The following UNC13C variants were observed in gnomAD, a reference collection of about 807,000 sequenced individuals.
The protein encoded by UNC13C is unc-13 homolog C, also known as protein unc-13 homolog C.
UNC13C carries 174 observed loss-of-function variants against 245.4 expected under a neutral mutation model. That is an observed-to-expected ratio of 0.71 (90% CI 0.63 to 0.80). The LOEUF (loss-of-function observed/expected upper bound fraction) is 0.80, where lower values mean the gene tolerates loss of function less well. Among genes scored for constraint, UNC13C ranks in the 30% least tolerant of loss-of-function variants. UNC13C has a pLI of 0.00. For synonymous variants in UNC13C, 992 were observed against 895.1 expected (o/e 1.11, Z -1.93); for missense variants, 2,829 against 2,602.9 (o/e 1.09, Z -1.89).
chr15:54,246,218 G>A (rs973632304), intron 7 of UNC13C, among the ~76,000 whole-genome samples: 12 of 152,148 alleles, frequency 7.9e-5, no homozygotes, highest in African/African-American at 2.4e-4. Context: ...AATTTTTGGA[G>A]AAGAAAGTTC....
chr15:53,869,692 A>T, the UNC13C span, among the ~76,000 whole-genome samples: 15 of 152,350 alleles, frequency 9.8e-5, no homozygotes, highest in African/African-American at 3.6e-4. Flanking sequence ...CCCCTCACAG[A>T]TACCAAGGAA....
chr15:54,002,969 T>G (rs1894964412), intron 1 of UNC13C, among the ~76,000 whole-genome samples: 1 of 152,168 alleles, frequency 6.6e-6, no homozygotes, highest in South Asian at 2.1e-4. Flanking sequence ...CTGTATGAAC[T>G]AAGGCAAGTG....
chr15:54,193,851 AG>A (rs1276123165), intron 4 of UNC13C, among the ~76,000 whole-genome samples: 1 of 152,104 alleles, frequency 6.6e-6, no homozygotes, highest in Non-Finnish European at 1.5e-5. Flanking sequence ...AGAGAGTGCC[AG>A]GGTAGCTTTT....
chr15:53,966,682 A>G, the UNC13C span, among the ~76,000 whole-genome samples: 1 of 152,002 alleles, frequency 6.6e-6, no homozygotes, highest in Non-Finnish European at 1.5e-5. Context: ...CAAATAATTT[A>G]CTAGAGTATA....
At chr15:54,629,600 T>C (rs578253459), downstream of UNC13C, 2 of 92,848 alleles carry the variant, frequency 2.2e-5, no homozygotes, top group East Asian at 8.0e-4. Flanking sequence ...ACATGCAACA[T>C]GGTTAAAAAT....
Position 54,075,261 on chromosome 15 carries a change from G to A in UNC13C, c.2983+59375G>A, listed in dbSNP as rs571761723. Among the ~76,000 whole-genome samples, 27 of 152,112 alleles carry A rather than the reference G, an allele frequency of 1.8e-4. No individual in the cohort carries two copies. In the South Asian group the frequency reaches 1.9e-3, roughly 11 times the overall value. On this transcript the variant is annotated intron_variant, in intron 2 of 32. Coordinates refer to ENST00000260323, the MANE Select transcript of UNC13C (RefSeq NM_001080534.3). ...AGCACTTTGAGAGGCCGAGGCGGGC[G>A]GATCACGAGGTCAGGAGATGGAGAC...
chr15:54,141,305 C>A (rs2032007045), intron 2 of UNC13C, among the ~76,000 whole-genome samples: 1 of 151,682 alleles, frequency 6.6e-6, no homozygotes, highest in Admixed American at 6.6e-5. Flanking sequence ...AAATAACTTT[C>A]TATTTTGACT....
chr15:53,979,982 A>G (rs909142937), intron 1 of UNC13C, among the ~76,000 whole-genome samples: 8 of 152,178 alleles, frequency 5.3e-5, no homozygotes, highest in African/African-American at 1.9e-4. Context: ...AGAAAGTACT[A>G]CATTTTTGTA....
chr15:53,895,293 G>A, the UNC13C span, among the ~76,000 whole-genome samples: 1 of 143,074 alleles, frequency 7.0e-6, no homozygotes, highest in Non-Finnish European at 1.5e-5. Flanking sequence ...GAACCCAGGA[G>A]TCGGAGGTTG....
At chr15:54,459,599 G>T (rs969454062) in intron 19 of UNC13C, among the ~76,000 whole-genome samples, 1 of 151,444 alleles carries the variant, frequency 6.6e-6, no homozygotes, top group African/African-American at 2.4e-5. Context: ...TTTTTCTCTT[G>T]TTTCTTTGTC....
chr15:54,075,468 G>T (rs1469390636), intron 2 of UNC13C, among the ~76,000 whole-genome samples: 1 of 137,274 alleles, frequency 7.3e-6, no homozygotes, highest in Non-Finnish European at 1.5e-5. Flanking sequence ...CAGTGAGCCG[G>T]AGCTTGCAGT....
rs1895422155 is a variant in UNC13C at position 54,012,401 on chromosome 15, TTATTAC to T, written c.-256-242_-256-237del. ...TTTTCTAAATAATCATAATTACCTT[TTATTAC>T]TATTTCAGTTGTGTCCACCCATAAA... is the stretch of plus-strand genomic sequence containing the variant. On this transcript the variant is annotated intron_variant, in intron 1 of 32. Transcript: ENST00000260323. Among the ~76,000 whole-genome samples the T allele has an allele frequency of 2.6e-5, 4 of 152,282 alleles. No individual in the cohort carries two copies. In the South Asian group the frequency reaches 8.3e-4, roughly 32 times the overall value.
At chr15:54,217,720 C>T (rs12443341) in intron 4 of UNC13C, among the ~76,000 whole-genome samples, 7,513 of 151,786 alleles carry the variant, frequency 0.049, 382 homozygotes, top group East Asian at 0.27. Context: ...TTTCATTTTC[C>T]GCAGTAGATA....
chr15:54,493,260 C>A (rs1052260735), intron 19 of UNC13C, among the ~76,000 whole-genome samples: 8 of 152,046 alleles, frequency 5.3e-5, no homozygotes, highest in Non-Finnish European at 8.8e-5. Context: ...TTTGGAGGAA[C>A]CTAAAGCAAA....
chr15:54,314,394 C>T (rs1311041222), intron 13 of UNC13C, among the ~76,000 whole-genome samples: 1 of 151,458 alleles, frequency 6.6e-6, no homozygotes, highest in Non-Finnish European at 1.5e-5. Context: ...TTCAAACCAA[C>T]ATATTGTACA....
intron 13 of UNC13C, among the ~76,000 whole-genome samples, chr15:54,310,770 C>CTA: frequency 9.4e-6 from 1 of 106,928 alleles, no homozygotes; most frequent in South Asian, 3.8e-4. Flanking sequence ...ATATCTATAT[C>CTA]TATATCTATA....
At chr15:54,100,641 A>G (rs2141154676) in intron 2 of UNC13C, among the ~76,000 whole-genome samples, 1 of 152,212 alleles carries the variant, frequency 6.6e-6, no homozygotes, top group South Asian at 2.1e-4. Flanking sequence ...GTCTATATCC[A>G]GTTACCTACG....
At chr15:54,401,001 T>C (rs1025446968) in intron 18 of UNC13C, among the ~76,000 whole-genome samples, 16 of 152,148 alleles carry the variant, frequency 1.1e-4, no homozygotes, top group Non-Finnish European at 2.1e-4. Context: ...CTCAGCAAAA[T>C]GGTGGTTTTA....
intron 1 of UNC13C, among the ~76,000 whole-genome samples, chr15:53,991,303 T>A (rs1595686036): frequency 6.6e-6 from 1 of 152,114 alleles, no homozygotes; most frequent in Non-Finnish European, 1.5e-5. Flanking sequence ...ATGCTGCATC[T>A]CCACTAAGAT....
Sources: gnomAD v4.1 joint callset for allele counts (sites outside exome capture counted in the v4.1 genomes callset) on GRCh38, gnomAD v4.1.1 for gene constraint, MANE v1.5 for transcripts, NCBI Gene and HGNC (gene_info 2026-07-23, HGNC 2026-07-21) for gene names.